The following GRK5 variants were observed in gnomAD, a reference collection of about 807,000 sequenced individuals.
The protein encoded by GRK5 is g protein-coupled receptor kinase GRK5.
GRK5 carries 40 observed loss-of-function variants against 78.4 expected under a neutral mutation model. That is an observed-to-expected ratio of 0.51 (90% CI 0.40 to 0.66). The LOEUF is 0.66. GRK5 is among the 30% of genes least tolerant of loss of function. GRK5 has a pLI of 0.00. For missense variants in GRK5, 598 were observed against 759.9 expected, an observed-to-expected ratio of 0.79 and a Z score of 2.50; for synonymous variants, 289 against 296.8, an observed-to-expected ratio of 0.97 and a Z score of 0.27.
chr10:119,368,314 T>C (rs1339559446), intron 2 of GRK5, among the ~76,000 whole-genome samples: 4 of 152,224 alleles, frequency 2.6e-5, no homozygotes, highest in Non-Finnish European at 5.9e-5. Context: ...TGCGAAATGC[T>C]GCCTTTAAAC....
chr10:119,326,470 C>T (rs1308132741), intron 1 of GRK5, 46 bp from the exon 2 acceptor site: 1 of 1,516,956 alleles, frequency 6.6e-7, no homozygotes, highest in African/African-American at 1.4e-5. Context: ...GGGGACGCCG[C>T]AGGCTCTGGA....
At chr10:119,433,960 G>A (rs1852871184) in intron 8 of GRK5, among the ~76,000 whole-genome samples, 1 of 152,324 alleles carries the variant, frequency 6.6e-6, no homozygotes, top group East Asian at 1.9e-4. Context: ...ATGTGGCTGG[G>A]GAGGCCTCAC....
intron 2 of GRK5, among the ~76,000 whole-genome samples, chr10:119,354,786 A>AT (rs932745479): frequency 1.3e-5 from 2 of 151,930 alleles, no homozygotes; most frequent in African/African-American, 4.8e-5. Flanking sequence ...CTTTATGAGG[A>AT]TTTTTTTCAA....
chr10:119,356,371 G>C (rs770236388), intron 2 of GRK5, among the ~76,000 whole-genome samples: 1 of 152,210 alleles, frequency 6.6e-6, no homozygotes, highest in East Asian at 1.9e-4. Context: ...CTGGAGCATA[G>C]AGTAGAATCA....
At chr10:119,383,314 TC>T (rs1851743559) in intron 3 of GRK5, among the ~76,000 whole-genome samples, 1 of 152,260 alleles carries the variant, frequency 6.6e-6, no homozygotes, top group Non-Finnish European at 1.5e-5. Context: ...GGATTCGACT[TC>T]CTCAGTGGTT....
At chr10:119,446,453 C>T (rs1262910310) in intron 12 of GRK5, among the ~76,000 whole-genome samples, 1 of 150,000 alleles carries the variant, frequency 6.7e-6, no homozygotes, top group African/African-American at 2.5e-5. Flanking sequence ...CATAGCCCGG[C>T]CCGGCCCACC....
At chr10:119,223,078 G>A (rs940725893) in intron 1 of GRK5, among the ~76,000 whole-genome samples, 114 of 152,212 alleles carry the variant, frequency 7.5e-4, no homozygotes, top group African/African-American at 2.6e-3. Flanking sequence ...GAGGCCAGAC[G>A]TTTGAAATCA....
chr10:119,436,549 C>A, intron 8 of GRK5, 102 bp from the exon 9 acceptor site: 2 of 1,162,614 alleles, frequency 1.7e-6, no homozygotes, highest in Non-Finnish European at 2.5e-6. Flanking sequence ...GGGTGAGGCT[C>A]CTCTGTTCCC....
chr10:119,306,309 GT>G (rs1850271230), intron 1 of GRK5, among the ~76,000 whole-genome samples: 1 of 152,232 alleles, frequency 6.6e-6, no homozygotes, highest in South Asian at 2.1e-4. Flanking sequence ...ACACCTCTGT[GT>G]GAGTCTGTTC....
chr10:119,247,201 C>T (rs1589700279), intron 1 of GRK5, among the ~76,000 whole-genome samples: 1 of 152,120 alleles, frequency 6.6e-6, no homozygotes, highest in African/African-American at 2.4e-5. Context: ...GAATAAGATA[C>T]GTTTAATAAG....
chr10:119,273,170 G>T (rs948248802), intron 1 of GRK5, among the ~76,000 whole-genome samples: 1 of 152,226 alleles, frequency 6.6e-6, no homozygotes, highest in Admixed American at 6.5e-5. Flanking sequence ...ATTACATGGG[G>T]TCATGAGTAG....
At chr10:119,283,128 A>T (rs1849790520) in intron 1 of GRK5, among the ~76,000 whole-genome samples, 1 of 151,902 alleles carries the variant, frequency 6.6e-6, no homozygotes, top group South Asian at 2.1e-4. Flanking sequence ...AAATATTAAT[A>T]TTATGGTATT....
intron 1 of GRK5, among the ~76,000 whole-genome samples, chr10:119,288,446 G>T (rs1253944859): frequency 6.6e-6 from 1 of 152,200 alleles, no homozygotes; most frequent in Admixed American, 6.5e-5. Flanking sequence ...TATCGACTGG[G>T]TGGCCTCCGA....
chr10:119,333,996 C>G (rs1461141304), intron 2 of GRK5: 1 of 382,052 alleles, frequency 2.6e-6, no homozygotes, highest in Non-Finnish European at 5.2e-6. Context: ...ACCACAGGCT[C>G]TCCATCTGGG....
At chr10:119,227,484 C>T (rs368438074) in intron 1 of GRK5, among the ~76,000 whole-genome samples, 1 of 152,102 alleles carries the variant, frequency 6.6e-6, no homozygotes, top group East Asian at 1.9e-4. Flanking sequence ...GCAAGAGAAT[C>T]GCTTGAACCC....
At chr10:119,409,180 C>T (rs148142417) in intron 4 of GRK5, among the ~76,000 whole-genome samples, 19 of 152,364 alleles carry the variant, frequency 1.2e-4, no homozygotes, top group East Asian at 3.9e-4. Flanking sequence ...CATCTTCTCA[C>T]GTCACAGTCT....
At chr10:119,425,626 C>T (rs1332657229) in intron 6 of GRK5, among the ~76,000 whole-genome samples, 1 of 152,250 alleles carries the variant, frequency 6.6e-6, no homozygotes, top group Non-Finnish European at 1.5e-5. Flanking sequence ...TGCCCCTGAC[C>T]TCCAGTGCCA....
At chr10:119,270,538 G>A (rs545888544) in intron 1 of GRK5, among the ~76,000 whole-genome samples, 1 of 152,328 alleles carries the variant, frequency 6.6e-6, no homozygotes, top group African/African-American at 2.4e-5. Context: ...GAGCATCCAT[G>A]GACTTTGCCA....
intron 2 of GRK5, among the ~76,000 whole-genome samples, chr10:119,363,208 G>A (rs1851392885): frequency 6.6e-6 from 1 of 151,316 alleles, no homozygotes; most frequent in African/African-American, 2.4e-5. Flanking sequence ...TTGAACCCAG[G>A]AAGCAGAGGT....
Sources: gnomAD v4.1 joint callset for allele counts (sites outside exome capture counted in the v4.1 genomes callset) on GRCh38, gnomAD v4.1.1 for gene constraint, MANE v1.5 for transcripts, NCBI Gene and HGNC (gene_info 2026-07-23, HGNC 2026-07-21) for gene names.